CERK: variants seen among roughly 807,000 people sequenced by gnomAD.
CERK encodes the protein ceramide kinase.
In CERK, 39 loss-of-function variants were observed where a neutral mutation model predicts 63.4. That is an observed-to-expected ratio of 0.61 (90% CI 0.48 to 0.80). CERK has a LOEUF of 0.80. CERK is among the 30% of genes least tolerant of loss of function. The pLI is 0.00. For synonymous variants in CERK, 302 were observed against 280.0 expected (o/e 1.08, Z -0.78); for missense variants, 670 against 714.1 (o/e 0.94, Z 0.70).
chr22:46,719,281 T>C (rs916025161), intron 3 of CERK, among the ~76,000 whole-genome samples: 3 of 152,118 alleles, frequency 2.0e-5, no homozygotes, highest in African/African-American at 4.8e-5. Context: ...ATTATGTCTC[T>C]AGCCATCCTA....
chr22:46,702,268 A>T (rs1253219647), intron 6 of CERK, among the ~76,000 whole-genome samples: 3 of 122,524 alleles, frequency 2.4e-5, no homozygotes, highest in Admixed American at 8.2e-5. Flanking sequence ...TGTGTGTGTG[A>T]ACATTTACAA....
At chr22:46,690,961 G>A (rs1374274796) in intron 11 of CERK, among the ~76,000 whole-genome samples, 1 of 151,910 alleles carries the variant, frequency 6.6e-6, no homozygotes, top group Non-Finnish European at 1.5e-5. Context: ...ATGTATGTAT[G>A]TGTGTGTATA....
chr22:46,718,408 A>C (rs2082876402), intron 3 of CERK, among the ~76,000 whole-genome samples: 1 of 152,158 alleles, frequency 6.6e-6, no homozygotes, highest in East Asian at 1.9e-4. Context: ...GAGGAGGGGA[A>C]GGCGGGAGAA....
At chr22:46,737,304 A>AAC (rs2082979126) in intron 1 of CERK, among the ~76,000 whole-genome samples, 1 of 141,490 alleles carries the variant, frequency 7.1e-6, no homozygotes, top group African/African-American at 2.7e-5. Flanking sequence ...AAAAAAAAAA[A>AAC]AACAAAAAAC....
chr22:46,703,569 C>G (rs1164123743), intron 6 of CERK, among the ~76,000 whole-genome samples: 2 of 152,152 alleles, frequency 1.3e-5, no homozygotes, highest in Non-Finnish European at 2.9e-5. Context: ...ACAGGGCCAC[C>G]CTTGGGTGTC....
At position 46,687,194 on chromosome 22, in the gene CERK, C is replaced by A; in HGVS notation, c.1554G>T (p.Gln518His). The part of the protein sequence containing the change: ...SPAIEVRVHC[Q>H]LVRLFARGIE... ...TTCCTCGTGCAAAGAGTCGAACCAGCTGGCAGTGGACTCTGCAGAGACAAG... is the reference window on the plus strand; with the variant it reads ...TTCCTCGTGCAAAGAGTCGAACCAGATGGCAGTGGACTCTGCAGAGACAAG... The change falls in exon 13 of 13, where the codon CAG becomes CAT. Residue 518 changes from glutamine (Q) to histidine (H), a missense_variant. Physicochemically the swap from Gln to His is conservative, Grantham distance 24. Transcript: ENST00000216264. 6.2e-7 allele frequency: 1 copy of A among 1,614,098 alleles called. No individual in the cohort carries two copies. Among genetic ancestry groups the A allele is most frequent in the Non-Finnish European group, 8.5e-7 (1 of 1,180,026 alleles).
chr22:46,714,904 A>G lies in CERK; in HGVS notation c.380-2611T>C, dbSNP rs1036262066. Among the ~76,000 whole-genome samples, 1 of 152,312 alleles carries G rather than the reference A, an allele frequency of 6.6e-6. No individual in the cohort carries two copies. Among genetic ancestry groups the G allele is most frequent in the East Asian group, 1.9e-4 (1 of 5,188 alleles). ...AAGTCAAATCCAGTGACACATAAAC[A>G]GTACTACATCACAACCAAGAGAGGT... On this transcript the variant is annotated intron_variant, in intron 3 of 12. Coordinates refer to ENST00000216264, the MANE Select transcript of CERK (RefSeq NM_022766.6). This position sits in a 1 kb window ranked among gnomAD's most constrained non-coding sequence, Gnocchi z 4.4.
chr22:46,688,826 C>T (rs945985064), intron 12 of CERK, among the ~76,000 whole-genome samples: 1 of 152,254 alleles, frequency 6.6e-6, no homozygotes, highest in Non-Finnish European at 1.5e-5. Context: ...TGAAGTAGAC[C>T]GAGCTCTTAC....
chr22:46,712,837 C>A (rs1346250521), intron 3 of CERK, among the ~76,000 whole-genome samples: 1 of 127,594 alleles, frequency 7.8e-6, no homozygotes, highest in Non-Finnish European at 1.6e-5. Flanking sequence ...CCCCCATTTT[C>A]TTTTCTTTTC....
At position 46,692,426 on chromosome 22, in the gene CERK, TAAAAAA is replaced by T. The variant is rs553286743; in HGVS notation, c.1127-655_1127-650del. On this transcript the variant is annotated intron_variant, in intron 10 of 12. Coordinates refer to ENST00000216264, the MANE Select transcript of CERK (RefSeq NM_022766.6). ...GGGCAACAAGAGTAAAACTCTGTCT[TAAAAAA>T]AAAAAAAAAAAAAAAAAAAATTAGC... Among the ~76,000 whole-genome samples the T allele has an allele frequency of 2.2e-3, 201 of 93,096 alleles. 3 individuals carry two copies. The highest frequency in any genetic ancestry group is 3.2e-3 in the Non-Finnish European group (159 of 49,966). The allele number at this position is 93,096 out of a possible 152,430, so 61.1% of individuals were successfully genotyped here.
Position 46,690,025 on chromosome 22 carries a change from C to T in CERK, c.1508G>A (p.Gly503Glu), listed in dbSNP as rs1048915663. ...GATGGCAGGGCTGTGCAGGACCTCC[C>T]CGTCGCAGTTCCAGGAGCTGTTGGA... ...TVSNSSWNCD[G>E]EVLHSPAIEV... The change falls in exon 12 of 13, where the codon GGG becomes GAG. Residue 503 changes from glycine to glutamate, a missense_variant. Coordinates refer to ENST00000216264, the MANE Select transcript of CERK (RefSeq NM_022766.6). 4.3e-6 allele frequency: 7 copies of T among 1,611,110 alleles called. No individual in the cohort carries two copies. The highest frequency in any genetic ancestry group is 5.9e-6 in the Non-Finnish European group (7 of 1,179,870).
At chr22:46,708,104 T>A in intron 5 of CERK, 116 bp from the exon 6 acceptor site, 1 of 1,222,824 alleles carries the variant, frequency 8.2e-7, no homozygotes, top group Non-Finnish European at 1.1e-6. Context: ...TTGGCAGGCA[T>A]CTAGAAGTGC....
chr22:46,721,253 A>G (rs908599621), intron 1 of CERK, among the ~76,000 whole-genome samples: 1 of 152,078 alleles, frequency 6.6e-6, no homozygotes, highest in African/African-American at 2.4e-5. Flanking sequence ...CCCTGGCAAC[A>G]GCACAAGACC....
intron 12 of CERK, among the ~76,000 whole-genome samples, chr22:46,688,534 G>A (rs1470699246): frequency 2.0e-5 from 3 of 152,236 alleles, no homozygotes; most frequent in Non-Finnish European, 2.9e-5. Flanking sequence ...AAGGGGGCGC[G>A]TGGCCCTGGG....
At position 46,684,511 on chromosome 22, in the gene CERK, T is replaced by C. The variant is rs2082688901; in HGVS notation, c.*2623A>G. 1 of 152,216 alleles carries C rather than the reference T, an allele frequency of 6.6e-6. No individual in the cohort carries two copies. Among genetic ancestry groups the C allele is most frequent in the Admixed American group, 6.5e-5 (1 of 15,286 alleles). The allele number at this position is 152,216 out of a possible 1,614,324, so 9.4% of individuals were successfully genotyped here. ...CAAGATTAGAAAGAGAATGAGGCCATCCTTTCACTCAGACTTTCCCAGTTA... is the reference window on the plus strand; with the variant it reads ...CAAGATTAGAAAGAGAATGAGGCCACCCTTTCACTCAGACTTTCCCAGTTA... On this transcript the variant is annotated 3_prime_UTR_variant, in exon 13 of 13. Transcript: ENST00000216264.
At chr22:46,695,008 C>T (rs965803537) in intron 9 of CERK, among the ~76,000 whole-genome samples, 5 of 152,326 alleles carry the variant, frequency 3.3e-5, no homozygotes, top group Middle Eastern at 3.4e-3. Flanking sequence ...CAGCTGCCTG[C>T]GCAGGCCATG....
chr22:46,734,779 A>G (rs931023506), intron 1 of CERK, among the ~76,000 whole-genome samples: 1 of 152,256 alleles, frequency 6.6e-6, no homozygotes, highest in African/African-American at 2.4e-5. Flanking sequence ...CCAAATATTA[A>G]TCACGTCTAA....
rs546529768 is a variant in CERK, at chr22:46,690,113, C to T, written c.1420G>A (p.Glu474Lys). ...TGCCCAAAGCGCTTCTTCCCCCCCTCCTTGAGGTCGCTGTCCTCATCCTCC... is the reference window on the plus strand; with the variant it reads ...TGCCCAAAGCGCTTCTTCCCCCCCTTCTTGAGGTCGCTGTCCTCATCCTCC... ...HMEDEDSDLK[E>K]GGKKRFGHIC... is the part of the protein sequence containing the mutation. Residue 474 changes from glutamate to lysine, a missense_variant, in exon 12 of 13, where the codon GAG becomes AAG. Glu to Lys is a moderately conservative substitution (Grantham distance 56, BLOSUM62 1). Transcript: ENST00000216264. The T allele has an allele frequency of 6.2e-6, 10 of 1,614,122 alleles. No individual in the cohort carries two copies. The African/African-American group carries it at 1.1e-4, about 17-fold the overall frequency.
chr22:46,725,719 C>T (rs2082915036), intron 1 of CERK, among the ~76,000 whole-genome samples: 1 of 152,202 alleles, frequency 6.6e-6, no homozygotes, highest in Admixed American at 6.5e-5. Context: ...AAATGGCCAT[C>T]ACATTCCAGA....
Sources: allele counts gnomAD v4.1 joint callset (sites outside exome capture counted in the v4.1 genomes callset), GRCh38; gene constraint gnomAD v4.1.1; non-coding constraint Gnocchi (gnomAD v3.1); transcripts MANE v1.5; gene names NCBI Gene and HGNC (gene_info 2026-07-23, HGNC 2026-07-21).